CLIP1: variants seen among roughly 807,000 people sequenced by gnomAD.
The protein encoded by CLIP1 is CAP-Gly domain-containing linker protein 1.
CLIP1 carries 66 observed loss-of-function variants against 161.6 expected under a neutral mutation model. The ratio of observed to expected loss-of-function variants is 0.41; its 90% CI spans 0.33 to 0.50. The LOEUF is 0.50. Ranked by LOEUF, CLIP1 falls within the 20% of genes least tolerant of loss-of-function variation. The probability of loss-of-function intolerance (pLI) is 0.27; values close to 1 mark genes in which losing one functional copy is unlikely to be tolerated. For synonymous variants in CLIP1, 598 were observed against 626.2 expected, an observed-to-expected ratio of 0.96 and a Z score of 0.67; for missense variants, 1,376 against 1,702.0, an observed-to-expected ratio of 0.81 and a Z score of 3.37.
intron 1 of CLIP1, among the ~76,000 whole-genome samples, chr12:122,381,088 T>C (rs1954991165): frequency 1.3e-5 from 2 of 151,954 alleles, no homozygotes; most frequent in African/African-American, 4.8e-5. Context: ...ACAAACAAAG[T>C]GTTTGCTTTG....
chr12:122,417,091 G>A (rs1956780775), intron 1 of CLIP1, among the ~76,000 whole-genome samples: 1 of 151,812 alleles, frequency 6.6e-6, no homozygotes, highest in African/African-American at 2.4e-5. Flanking sequence ...TGAGGGTCAG[G>A]AGTTAGATCA....
chr12:122,342,480 G>A (rs897055741), intron 10 of CLIP1: 19 of 152,222 alleles, frequency 1.2e-4, no homozygotes, highest in African/African-American at 4.1e-4. Context: ...GAAGTGAGGT[G>A]TGGTATAAGT....
At chr12:122,368,844 T>C (rs551494644) in intron 3 of CLIP1, among the ~76,000 whole-genome samples, 20 of 151,106 alleles carry the variant, frequency 1.3e-4, no homozygotes, top group African/African-American at 4.1e-4. Context: ...GGCGGGAAAA[T>C]CACTTCAACC....
intron 3 of CLIP1, chr12:122,365,257 AAAAG>A (rs1190029491): frequency 9.0e-6 from 5 of 558,096 alleles, no homozygotes; most frequent in East Asian, 6.1e-5. Flanking sequence ...AAAAATAAAA[AAAAG>A]AAAGGTGATA....
intron 9 of CLIP1, 137 bp from the exon 10 acceptor site, chr12:122,347,616 GA>G (rs1274305805): frequency 6.0e-6 from 4 of 662,110 alleles, no homozygotes; most frequent in Non-Finnish European, 1.1e-5. Context: ...ATGGAGAAGG[GA>G]AGAGGTGGAG....
At position 122,386,089 on chromosome 12, in the gene CLIP1, C is replaced by G. The variant is rs573544195; in HGVS notation, c.-106-5531G>C. Among the ~76,000 whole-genome samples the G allele has an allele frequency of 3.3e-5, 5 of 152,188 alleles. No individual in the cohort carries two copies. In the East Asian group the frequency reaches 9.7e-4, roughly 29 times the overall value. Reference sequence around the variant, plus strand: ...TCACCTGAGGTCAGGAGTTCGAGACCAGCCTGGCCAACATGGCAAAACCCC... The same window carrying G: ...TCACCTGAGGTCAGGAGTTCGAGACGAGCCTGGCCAACATGGCAAAACCCC... On this transcript the variant is annotated intron_variant, in intron 1 of 25. Transcript: ENST00000620786.
chr12:122,373,494 C>T (rs957185138), intron 3 of CLIP1, among the ~76,000 whole-genome samples: 3 of 139,232 alleles, frequency 2.2e-5, no homozygotes, highest in African/African-American at 8.0e-5. Flanking sequence ...ACTTAATAAA[C>T]AAGGTGAAAA....
intron 3 of CLIP1, among the ~76,000 whole-genome samples, chr12:122,375,313 TTC>T (rs1324865622): frequency 1.3e-5 from 2 of 148,500 alleles, no homozygotes; most frequent in African/African-American, 4.9e-5. Flanking sequence ...GGCCCTGAAA[TTC>T]TTTTTTTTTT....
rs541910427 is a variant in CLIP1, at chr12:122,311,290, G to C, written c.3474-1408C>G. On this transcript the variant is annotated intron_variant, in intron 19 of 25. Coordinates refer to ENST00000620786, the MANE Select transcript of CLIP1 (RefSeq NM_001247997.2). This position sits in a 1 kb window ranked among gnomAD's most constrained non-coding sequence, Gnocchi z 4.3. ...GTCTGCATGTGTGTGGCCTGTCAAA[G>C]TGCTACGCTTATACTCCTGTTCCTT... is the stretch of plus-strand genomic sequence containing the variant. 2.0e-4 allele frequency among the ~76,000 whole-genome samples: 31 copies of C among 152,160 alleles called. No homozygotes were observed. The South Asian group carries it at 6.0e-3, about 30-fold the overall frequency.
intron 19 of CLIP1, among the ~76,000 whole-genome samples, chr12:122,313,057 CAGGGG>C (rs1252738967): frequency 6.6e-6 from 1 of 152,164 alleles, no homozygotes; most frequent in Non-Finnish European, 1.5e-5. Context: ...TCATCAGGGG[CAGGGG>C]CTTTTTCAAC....
At position 122,273,925 on chromosome 12, in the gene CLIP1, T is replaced by G; in HGVS notation, c.4091+113A>C. ...TTTTGTATTTTTAGTAGAGACGAGG[T>G]TTCATCGTGTTGGCCAGGCTGGTCT... On this transcript the variant is annotated intron_variant, in intron 25 of 25. Transcript: ENST00000620786. 3 of 795,570 alleles carry G rather than the reference T, an allele frequency of 3.8e-6. No homozygotes were observed. In the South Asian group the frequency reaches 4.8e-5, roughly 13 times the overall value. The allele number at this position is 795,570 out of a possible 1,614,324, so 49.3% of individuals were successfully genotyped here. A position where few individuals can be genotyped will look rare whatever the true frequency, so the allele number is the denominator to read the frequency against.
At chr12:122,275,644 G>GCACACACGCACACACACACA (rs1555253370) in intron 24 of CLIP1, 7 of 147,538 alleles carry the variant, frequency 4.7e-5, no homozygotes, top group African/African-American at 1.8e-4. Context: ...ACACACACGC[G>GCACACACGCACACACACACA]CACACACACA....
chr12:122,327,716 A>G (rs964897784), intron 17 of CLIP1, among the ~76,000 whole-genome samples: 1 of 152,058 alleles, frequency 6.6e-6, no homozygotes, highest in Admixed American at 6.6e-5. Context: ...TACACAGTCC[A>G]TTCCAGGAAA....
intron 21 of CLIP1, among the ~76,000 whole-genome samples, chr12:122,283,512 G>A (rs1281788947): frequency 6.8e-6 from 1 of 147,938 alleles, no homozygotes; most frequent in Non-Finnish European, 1.5e-5. Context: ...AGGCTGGAGT[G>A]CAGTGGTGCG....
intron 5 of CLIP1, among the ~76,000 whole-genome samples, chr12:122,360,222 A>T (rs1422145796): frequency 6.6e-6 from 1 of 152,170 alleles, no homozygotes; most frequent in Non-Finnish European, 1.5e-5. Flanking sequence ...TAACATTAAA[A>T]TCCTATTAAC....
At chr12:122,379,525 ACAGTAC>A (rs1954905785) in intron 2 of CLIP1, among the ~76,000 whole-genome samples, 1 of 152,060 alleles carries the variant, frequency 6.6e-6, no homozygotes, top group African/African-American at 2.4e-5. Flanking sequence ...GAGAGCCATG[ACAGTAC>A]CACTGCCCTC....
intron 5 of CLIP1, among the ~76,000 whole-genome samples, chr12:122,359,263 A>G (rs1349341043): frequency 6.6e-6 from 1 of 152,210 alleles, no homozygotes; most frequent in African/African-American, 2.4e-5. Flanking sequence ...ACAGGTACAG[A>G]AACTCACGTC....
In CLIP1 at chr12:122,278,923, T is replaced by C; in HGVS notation, c.3785A>G (p.Glu1262Gly). The C allele has an allele frequency of 6.2e-7, 1 of 1,611,190 alleles. No individual in the cohort carries two copies. The highest frequency in any genetic ancestry group is 1.3e-5 in the African/African-American group (1 of 74,958). ...ATGCAAGGACTTGGCAGAGGCGTTT[T>C]CTCCCCTGAGCACTGTGACCTGAAA... is the stretch of plus-strand genomic sequence containing the variant. ...LRNEVTVLRG[E>G]NASAKSLHSV... The change falls in exon 23 of 26, where the codon GAA (glutamate) becomes GGA (glycine). Residue 1262 changes from glutamate to glycine, a missense_variant. Coordinates refer to ENST00000620786, the MANE Select transcript of CLIP1 (RefSeq NM_001247997.2).
chr12:122,393,769 G>A (rs555261301), intron 1 of CLIP1, among the ~76,000 whole-genome samples: 13 of 151,918 alleles, frequency 8.6e-5, no homozygotes, highest in African/African-American at 2.2e-4. Context: ...AAAATTAGCC[G>A]GGTGTGGTGG....
Sources: allele counts gnomAD v4.1 joint callset (sites outside exome capture counted in the v4.1 genomes callset), GRCh38; gene constraint gnomAD v4.1.1; non-coding constraint Gnocchi (gnomAD v3.1); transcripts MANE v1.5; gene names NCBI Gene and HGNC (gene_info 2026-07-23, HGNC 2026-07-21).